METTL24: variants seen among roughly 807,000 people sequenced by gnomAD.
METTL24 encodes probable methyltransferase-like protein 24.
METTL24 carries 29 observed loss-of-function variants against 32.7 expected under a neutral mutation model. The observed-to-expected ratio is 0.89, with a 90% confidence interval of 0.66 to 1.21. The LOEUF (loss-of-function observed/expected upper bound fraction) is 1.21. METTL24 is among the 50% of genes most tolerant of loss of function. METTL24 has a pLI of 0.00. For synonymous variants in METTL24, 163 were observed against 179.5 expected (o/e 0.91, Z 0.73); for missense variants, 439 against 468.1 (o/e 0.94, Z 0.57).
chr6:110,259,806 C>A (rs1369691068), intron 4 of METTL24, among the ~76,000 whole-genome samples: 1 of 152,158 alleles, frequency 6.6e-6, no homozygotes, highest in Non-Finnish European at 1.5e-5. Flanking sequence ...TGGCTGTTCA[C>A]CAATAATCAC....
At chr6:110,350,917 G>A (rs528910773) in intron 1 of METTL24, among the ~76,000 whole-genome samples, 4 of 152,200 alleles carry the variant, frequency 2.6e-5, no homozygotes, top group African/African-American at 9.6e-5. Flanking sequence ...GACCAGCCTG[G>A]CCAACAGAGT....
intron 1 of METTL24, among the ~76,000 whole-genome samples, chr6:110,330,476 A>G (rs1158415349): frequency 6.6e-6 from 1 of 152,202 alleles, no homozygotes; most frequent in East Asian, 1.9e-4. Flanking sequence ...GAAACTGGGG[A>G]GAAGGAGTAG....
At chr6:110,291,510 G>A (rs1017950004) in intron 4 of METTL24, among the ~76,000 whole-genome samples, 10 of 151,838 alleles carry the variant, frequency 6.6e-5, no homozygotes, top group Non-Finnish European at 1.2e-4. Flanking sequence ...TTATATACGT[G>A]TTTCTCTTTT....
chr6:110,305,916 G>A (rs1327767343), intron 3 of METTL24, among the ~76,000 whole-genome samples: 2 of 152,236 alleles, frequency 1.3e-5, no homozygotes, highest in Non-Finnish European at 2.9e-5. Context: ...GCAAAGACTT[G>A]GAACCAACCC....
chr6:110,270,837 CTTT>C (rs3075091), intron 4 of METTL24, among the ~76,000 whole-genome samples: 7 of 124,700 alleles, frequency 5.6e-5, no homozygotes, highest in Admixed American at 8.3e-5. Context: ...CATCTTGATT[CTTT>C]TTTTTTTTTT....
intron 4 of METTL24, among the ~76,000 whole-genome samples, chr6:110,297,032 A>G (rs1447423543): frequency 1.3e-5 from 2 of 152,374 alleles, no homozygotes; most frequent in East Asian, 3.9e-4. Flanking sequence ...CTATGGAAGA[A>G]TATCAATATC....
At chr6:110,249,696 T>C (rs946893679) in intron 4 of METTL24, among the ~76,000 whole-genome samples, 1 of 152,042 alleles carries the variant, frequency 6.6e-6, no homozygotes, top group African/African-American at 2.4e-5. Flanking sequence ...TCAACAATTA[T>C]GCCACTAAAA....
At chr6:110,324,245 C>G (rs1249526715) in intron 1 of METTL24, among the ~76,000 whole-genome samples, 2 of 152,204 alleles carry the variant, frequency 1.3e-5, no homozygotes, top group Non-Finnish European at 2.9e-5. Flanking sequence ...CACATCATTG[C>G]AGAATCCCTG....
intron 3 of METTL24, among the ~76,000 whole-genome samples, chr6:110,310,819 A>T (rs1463572260): frequency 6.6e-6 from 1 of 152,204 alleles, no homozygotes; most frequent in African/African-American, 2.4e-5. Flanking sequence ...GATGAGACAG[A>T]TTAGAAAGTG....
chr6:110,351,689 T>C (rs1446160676), intron 1 of METTL24, among the ~76,000 whole-genome samples: 1 of 152,258 alleles, frequency 6.6e-6, no homozygotes, highest in Non-Finnish European at 1.5e-5. Context: ...AAGAATGGCT[T>C]CCAGGATTGG....
intron 2 of METTL24, among the ~76,000 whole-genome samples, chr6:110,319,044 T>C (rs1771880769): frequency 6.6e-6 from 1 of 152,226 alleles, no homozygotes; most frequent in South Asian, 2.1e-4. Flanking sequence ...GGATCTAATT[T>C]ATTTTCATTT....
intron 3 of METTL24, among the ~76,000 whole-genome samples, chr6:110,301,566 G>A (rs1057039100): frequency 3.3e-5 from 5 of 151,992 alleles, no homozygotes; most frequent in East Asian, 1.9e-4. Context: ...CCAGTCCACC[G>A]GCCCTCTGTA....
At chr6:110,272,832 T>C (rs1365801934) in intron 4 of METTL24, among the ~76,000 whole-genome samples, 3 of 152,140 alleles carry the variant, frequency 2.0e-5, no homozygotes, top group African/African-American at 7.2e-5. Flanking sequence ...TTTTCCTTGC[T>C]GATTTGAGTT....
rs534274357 is a variant in METTL24, at chr6:110,334,175, CG to C, written c.319-11304del. Among the ~76,000 whole-genome samples, 1,021 of 152,202 alleles carry C rather than the reference CG, an allele frequency of 6.7e-3. 8 individuals carry two copies. Among genetic ancestry groups the C allele is most frequent in the Middle Eastern group, 0.054 (16 of 294 alleles). ...CTTCCCCACGAGAGAACCTGCAACC[CG>C]GGGGCCCACAGGGCTCCCCGAGGTC... On this transcript the variant is annotated intron_variant, in intron 1 of 4. Coordinates refer to ENST00000338882, the MANE Select transcript of METTL24 (RefSeq NM_001123364.3).
At chr6:110,349,134 T>C (rs948092497) in intron 1 of METTL24, among the ~76,000 whole-genome samples, 2 of 152,132 alleles carry the variant, frequency 1.3e-5, no homozygotes, top group African/African-American at 4.8e-5. Context: ...ACACGGATGA[T>C]TGAAGGGTTA....
At chr6:110,318,666 A>AAAAG (rs1554215611) in intron 2 of METTL24, among the ~76,000 whole-genome samples, 4 of 151,296 alleles carry the variant, frequency 2.6e-5, no homozygotes, top group East Asian at 1.9e-4. Context: ...AAAAAAAAAA[A>AAAAG]AAAGAAAGAA....
intron 4 of METTL24, among the ~76,000 whole-genome samples, chr6:110,288,529 A>G (rs931806267): frequency 2.6e-5 from 4 of 152,236 alleles, no homozygotes; most frequent in African/African-American, 9.6e-5. Flanking sequence ...ATTTGTTCAG[A>G]TAATTCTAAG....
chr6:110,282,212 T>G (rs1001897097), intron 4 of METTL24, among the ~76,000 whole-genome samples: 1 of 152,186 alleles, frequency 6.6e-6, no homozygotes, highest in Non-Finnish European at 1.5e-5. Context: ...ATTGGCGCTC[T>G]TTAACACTTT....
chr6:110,297,071 C>CA (rs1771433081), intron 4 of METTL24, among the ~76,000 whole-genome samples: 1 of 152,072 alleles, frequency 6.6e-6, no homozygotes, highest in African/African-American at 2.4e-5. Context: ...GGAATTAAAA[C>CA]AAAAAAGGAG....
Sources: allele counts gnomAD v4.1 joint callset (sites outside exome capture counted in the v4.1 genomes callset), GRCh38; gene constraint gnomAD v4.1.1; transcripts MANE v1.5; gene names NCBI Gene and HGNC (gene_info 2026-07-23, HGNC 2026-07-21).